The following CCSER1 variants were observed in gnomAD, a reference collection of about 807,000 sequenced individuals.
CCSER1 encodes serine-rich coiled-coil domain-containing protein 1.
A neutral mutation model predicts 82.0 loss-of-function variants in CCSER1; 41 were observed. That is an observed-to-expected ratio of 0.50 (90% CI 0.39 to 0.65). The LOEUF (loss-of-function observed/expected upper bound fraction) is 0.65. CCSER1 is among the 30% of genes least tolerant of loss of function. The pLI, the probability that CCSER1 is intolerant of heterozygous loss-of-function variation, is 0.00. For missense variants in CCSER1, 1,119 were observed against 1,064.2 expected, an observed-to-expected ratio of 1.05 and a Z score of -0.72; for synonymous variants, 414 against 383.9, an observed-to-expected ratio of 1.08 and a Z score of -0.92.
At chr4:90,964,409 C>A (rs1463369339) in intron 9 of CCSER1, among the ~76,000 whole-genome samples, 1 of 151,048 alleles carries the variant, frequency 6.6e-6, no homozygotes, top group African/African-American at 2.5e-5. Context: ...GTAAAGGCAT[C>A]TGAAAATCTG....
intron 10 of CCSER1, among the ~76,000 whole-genome samples, chr4:91,198,894 G>A (rs1735672813): frequency 6.6e-6 from 1 of 152,094 alleles, no homozygotes; most frequent in Admixed American, 6.6e-5. Flanking sequence ...GTGTATTTAA[G>A]TGTGCTAATG....
At position 91,598,809 on chromosome 4, in the gene CCSER1, C is replaced by G. The variant is rs1373357596; in HGVS notation, c.2455C>G (p.Gln819Glu). 1.3e-6 allele frequency: 2 copies of G among 1,551,470 alleles called. No homozygotes were observed. Among genetic ancestry groups the G allele is most frequent in the East Asian group, 4.9e-5 (2 of 40,928 alleles). Residue 819 changes from glutamine (Q) to glutamate (E), a missense_variant, in exon 11 of 11, where the codon CAG (glutamine) becomes GAG (glutamate). Coordinates refer to ENST00000509176, the MANE Select transcript of CCSER1 (RefSeq NM_001145065.2). ...TGAAACCCTCACTTCAGACGTTACACAGAACTTACGGGCCACCGTTGGGCA... is the reference window on the plus strand; with the variant it reads ...TGAAACCCTCACTTCAGACGTTACAGAGAACTTACGGGCCACCGTTGGGCA... Reference protein sequence around the residue: ...TYETLTSDVTQNLRATVGQSS... With the variant: ...TYETLTSDVTENLRATVGQSS...
Position 90,155,299 on chromosome 4 carries a change from T to G in CCSER1, c.-42+27468T>G, listed in dbSNP as rs1208381913. Among the ~76,000 whole-genome samples the G allele has an allele frequency of 3.9e-5, 6 of 152,122 alleles. No homozygotes were observed. The South Asian group carries it at 1.2e-3, about 32-fold the overall frequency. Reference sequence around the variant, plus strand: ...AGTTTGCCAGTATTTTATTGAGGATTTTTGCATCAATGTTCATCAAGGATA... The same window carrying G: ...AGTTTGCCAGTATTTTATTGAGGATGTTTGCATCAATGTTCATCAAGGATA... On this transcript the variant is annotated intron_variant, in intron 1 of 10. Transcript: ENST00000509176.
intron 8 of CCSER1, among the ~76,000 whole-genome samples, chr4:90,818,378 AG>A (rs1475855622): frequency 6.6e-6 from 1 of 151,392 alleles, no homozygotes; most frequent in Non-Finnish European, 1.5e-5. Context: ...CCTGGGTTCA[AG>A]CGATTCTCTT....
chr4:90,532,738 T>G (rs571868719), intron 5 of CCSER1, among the ~76,000 whole-genome samples: 1 of 152,320 alleles, frequency 6.6e-6, no homozygotes, highest in Non-Finnish European at 1.5e-5. Flanking sequence ...TTCTTACATT[T>G]AAAGGAAATT....
intron 5 of CCSER1, among the ~76,000 whole-genome samples, chr4:90,587,684 C>T (rs181862756): frequency 6.6e-6 from 1 of 152,146 alleles, no homozygotes; most frequent in East Asian, 1.9e-4. Context: ...ACAACCTGTA[C>T]TTTTACCACT....
intron 6 of CCSER1, among the ~76,000 whole-genome samples, chr4:90,655,319 T>G (rs571547220): frequency 6.6e-6 from 1 of 152,174 alleles, no homozygotes; most frequent in East Asian, 1.9e-4. Flanking sequence ...AGATAGATTT[T>G]TATTAAAAAA....
chr4:90,395,261 T>C (rs1338619374), intron 3 of CCSER1, among the ~76,000 whole-genome samples: 1 of 152,232 alleles, frequency 6.6e-6, no homozygotes, highest in Non-Finnish European at 1.5e-5. Context: ...TTTCCTACTT[T>C]TAGCCACTTT....
chr4:90,340,658 A>G (rs1238960305), intron 3 of CCSER1, among the ~76,000 whole-genome samples: 1 of 152,116 alleles, frequency 6.6e-6, no homozygotes, highest in Non-Finnish European at 1.5e-5. Flanking sequence ...TAACATGACA[A>G]CTTTTCTGTG....
chr4:90,343,957 C>T (rs1741880920), intron 3 of CCSER1, among the ~76,000 whole-genome samples: 2 of 152,034 alleles, frequency 1.3e-5, no homozygotes, highest in Admixed American at 6.5e-5. Flanking sequence ...AACTCTGTTG[C>T]GCTATCAAAT....
intron 5 of CCSER1, among the ~76,000 whole-genome samples, chr4:90,595,650 A>C (rs1481686279): frequency 6.6e-6 from 1 of 151,898 alleles, no homozygotes; most frequent in Non-Finnish European, 1.5e-5. Context: ...TTCTGGTCTT[A>C]ATTCATAGCT....
chr4:91,346,509 C>T (rs150854137), intron 10 of CCSER1, among the ~76,000 whole-genome samples: 1 of 152,252 alleles, frequency 6.6e-6, no homozygotes, highest in East Asian at 1.9e-4. Flanking sequence ...TACTAAGGAG[C>T]ACAATTGCTG....
At chr4:91,548,746 T>G (rs7673868) in intron 10 of CCSER1, among the ~76,000 whole-genome samples, 278 of 152,234 alleles carry the variant, frequency 1.8e-3, no homozygotes, top group African/African-American at 6.2e-3. Flanking sequence ...TGCTTCTCTG[T>G]AGGTAAAGTG....
intron 7 of CCSER1, among the ~76,000 whole-genome samples, chr4:90,737,904 AT>A (rs1262674030): frequency 6.6e-6 from 1 of 151,926 alleles, no homozygotes; most frequent in African/African-American, 2.4e-5. Flanking sequence ...CAGTATTTCA[AT>A]TGTATTTTTC....
chr4:91,480,555 T>C (rs1757854833), intron 10 of CCSER1, among the ~76,000 whole-genome samples: 2 of 152,222 alleles, frequency 1.3e-5, no homozygotes, highest in Non-Finnish European at 2.9e-5. Context: ...ATCTTTGTTT[T>C]TGTCTGTTTC....
At chr4:90,463,505 T>G (rs894423844) in intron 4 of CCSER1, among the ~76,000 whole-genome samples, 1 of 152,198 alleles carries the variant, frequency 6.6e-6, no homozygotes, top group African/African-American at 2.4e-5. Context: ...TAGTGCAGAA[T>G]TGTGTCTATC....
At chr4:90,240,866 T>C (rs1424612151) in intron 1 of CCSER1, among the ~76,000 whole-genome samples, 1 of 152,148 alleles carries the variant, frequency 6.6e-6, no homozygotes, top group African/African-American at 2.4e-5. Context: ...ACCATATCCT[T>C]CAAAGACACC....
At chr4:90,252,645 TTTAG>T (rs1399911175) in intron 1 of CCSER1, among the ~76,000 whole-genome samples, 1 of 151,898 alleles carries the variant, frequency 6.6e-6, no homozygotes, top group African/African-American at 2.4e-5. Flanking sequence ...CTTATATTAT[TTTAG>T]TTATTTTTAA....
At chr4:90,441,461 C>G (rs1759865032) in intron 4 of CCSER1, among the ~76,000 whole-genome samples, 1 of 151,936 alleles carries the variant, frequency 6.6e-6, no homozygotes, top group Non-Finnish European at 1.5e-5. Context: ...AAAGAAAGAA[C>G]AATCTCTCTG....
Sources: gnomAD v4.1 joint callset for allele counts (sites outside exome capture counted in the v4.1 genomes callset) on GRCh38, gnomAD v4.1.1 for gene constraint, MANE v1.5 for transcripts, NCBI Gene and HGNC (gene_info 2026-07-23, HGNC 2026-07-21) for gene names.